PPP4R4: variants seen among roughly 807,000 people sequenced by gnomAD.
PPP4R4 encodes serine/threonine-protein phosphatase 4 regulatory subunit 4.
A neutral mutation model predicts 121.8 loss-of-function variants in PPP4R4; 70 were observed. The observed-to-expected ratio is 0.57, with a 90% confidence interval of 0.47 to 0.70. The LOEUF is 0.70. PPP4R4 is among the 30% of genes least tolerant of loss of function. PPP4R4 has a pLI of 0.00. For synonymous variants in PPP4R4, 348 were observed against 355.7 expected (o/e 0.98, Z 0.24); for missense variants, 875 against 1,033.6 (o/e 0.85, Z 2.10).
rs750701930 is a variant in PPP4R4 at position 94,265,468 on chromosome 14, C to T, written c.2279C>T (p.Ser760Leu). The T allele has an allele frequency of 1.4e-5, 23 of 1,604,588 alleles. No individual in the cohort carries two copies. Among genetic ancestry groups the T allele is most frequent in the African/African-American group, 5.4e-5 (4 of 74,660 alleles). Residue 760 changes from serine to leucine, a missense_variant, in exon 21 of 25, where the codon TCG becomes TTG. Transcript: ENST00000304338. ...CCTGGACCCTCTTCTGTCACCCCAT[C>T]GACAAGTAAGAAATAACTTCTTTTT... The part of the protein sequence containing the change: ...SVPGPSSVTP[S>L]TSKEIKKSKL...
At chr14:94,246,209 A>G (rs1892885461) in intron 13 of PPP4R4, 148 bp from the exon 14 acceptor site, 1 of 619,506 alleles carries the variant, frequency 1.6e-6, no homozygotes, top group East Asian at 3.0e-5. Flanking sequence ...ATTTAACCAG[A>G]TAATTATCTC....
At chr14:94,201,713 T>C (rs1890190824) in intron 2 of PPP4R4, among the ~76,000 whole-genome samples, 1 of 152,124 alleles carries the variant, frequency 6.6e-6, no homozygotes, top group Admixed American at 6.5e-5. Flanking sequence ...TGAGTCCTTA[T>C]GTGTGTTTGG....
At chr14:94,214,493 C>T (rs11848686) in intron 3 of PPP4R4, among the ~76,000 whole-genome samples, 4,654 of 149,054 alleles carry the variant, frequency 0.031, 197 homozygotes, top group African/African-American at 0.092. Flanking sequence ...ATAGCAAGAC[C>T]TTGCCTCTAA....
chr14:94,207,787 G>C (rs1299563850), intron 2 of PPP4R4, among the ~76,000 whole-genome samples: 6 of 151,576 alleles, frequency 4.0e-5, no homozygotes, highest in African/African-American at 1.2e-4. Flanking sequence ...GTTTTTTGCT[G>C]TTTGTGGAAA....
At chr14:94,237,839 T>C (rs1318430391) in intron 8 of PPP4R4, among the ~76,000 whole-genome samples, 153 bp downstream of exon 8, 1 of 152,260 alleles carries the variant, frequency 6.6e-6, no homozygotes, top group Non-Finnish European at 1.5e-5. Flanking sequence ...TCGTGTCTTC[T>C]TGGCTTTCAC....
intron 3 of PPP4R4, among the ~76,000 whole-genome samples, chr14:94,216,893 G>A (rs180916667): frequency 6.6e-6 from 1 of 152,222 alleles, no homozygotes; most frequent in Admixed American, 6.5e-5. Context: ...ACTAGGGGCT[G>A]GGTGTGGAAG....
chr14:94,194,608 C>T (rs942473849), intron 2 of PPP4R4, among the ~76,000 whole-genome samples: 1 of 152,040 alleles, frequency 6.6e-6, no homozygotes, highest in Non-Finnish European at 1.5e-5. Context: ...TCCACACATA[C>T]TTGTTTTTTT....
chr14:94,232,338 T>G (rs1892082458), intron 5 of PPP4R4, among the ~76,000 whole-genome samples: 1 of 152,216 alleles, frequency 6.6e-6, no homozygotes, highest in African/African-American at 2.4e-5. Context: ...TGTCCTTTCT[T>G]TGTCTTCATA....
At chr14:94,245,720 C>T (rs746106944) in intron 13 of PPP4R4, 50 bp downstream of exon 13, 4 of 1,343,658 alleles carry the variant, frequency 3.0e-6, no homozygotes, top group Non-Finnish European at 4.2e-6. Context: ...TATTATCCTA[C>T]TCTACAGGGT....
chr14:94,227,300 A>C (rs1294103783), intron 3 of PPP4R4: 1 of 1,611,596 alleles, frequency 6.2e-7, no homozygotes, highest in Non-Finnish European at 8.5e-7. Flanking sequence ...ATGAGGATGC[A>C]CACTTATTTA....
intron 16 of PPP4R4, among the ~76,000 whole-genome samples, chr14:94,256,135 C>T (rs1236372585): frequency 2.0e-5 from 3 of 152,176 alleles, no homozygotes; most frequent in African/African-American, 4.8e-5. Flanking sequence ...AATCCCCTGC[C>T]CCTGGTACTC....
chr14:94,272,798 CAGT>C (rs1215588443), intron 23 of PPP4R4, among the ~76,000 whole-genome samples: 1 of 152,104 alleles, frequency 6.6e-6, no homozygotes, highest in Non-Finnish European at 1.5e-5. Flanking sequence ...TAAAACTTAA[CAGT>C]AGGAAAACTA....
intron 23 of PPP4R4, among the ~76,000 whole-genome samples, chr14:94,272,211 T>C (rs1413684434): frequency 1.1e-4 from 17 of 152,094 alleles, no homozygotes; most frequent in Admixed American, 1.1e-3. Context: ...AACATGATAA[T>C]GAAGAAGAAC....
In PPP4R4 at chr14:94,206,023, G is replaced by C. The variant is rs188978321; in HGVS notation, c.192-2441G>C. On this transcript the variant is annotated intron_variant, in intron 2 of 24. Coordinates refer to ENST00000304338, the MANE Select transcript of PPP4R4 (RefSeq NM_058237.2). ...TCTTGAGTTCTTCTATATCTTTGCT[G>C]ATTCCCTGTGTAGTTCTGTCAGTTG... Among the ~76,000 whole-genome samples the C allele has an allele frequency of 1.8e-3, 279 of 152,080 alleles. 4 individuals are homozygous for C. The highest frequency in any genetic ancestry group is 1.7e-3 in the Non-Finnish European group (117 of 67,894).
At position 94,262,978 on chromosome 14, in the gene PPP4R4, T is replaced by C. The variant is rs1452764274; in HGVS notation, c.2128-1900T>C. 2.0e-5 allele frequency among the ~76,000 whole-genome samples: 3 copies of C among 152,246 alleles called. No individual in the cohort carries two copies. The East Asian group carries it at 5.8e-4, about 29-fold the overall frequency. ...CCACCATAACATCTGATAAAATAGC[T>C]ACTCTCATTGAATTGTTGATGCTTC... On this transcript the variant is annotated intron_variant, in intron 19 of 24. Transcript: ENST00000304338.
chr14:94,216,156 A>G (rs1284579939), intron 3 of PPP4R4, among the ~76,000 whole-genome samples: 3 of 152,246 alleles, frequency 2.0e-5, no homozygotes, highest in Non-Finnish European at 4.4e-5. Flanking sequence ...TCAAAAACAA[A>G]GCAATCCGTT....
intron 22 of PPP4R4, 34 bp downstream of exon 22, chr14:94,265,921 A>AT (rs762267597): frequency 7.5e-7 from 1 of 1,341,056 alleles, no homozygotes. Context: ...TTTTAACATA[A>AT]TTTTTATCTT....
intron 11 of PPP4R4, among the ~76,000 whole-genome samples, chr14:94,242,690 C>T (rs991150981): frequency 2.4e-4 from 36 of 152,046 alleles, no homozygotes; most frequent in African/African-American, 8.7e-4. Context: ...ATGGGTGATG[C>T]GGATTTTAAA....
At chr14:94,183,030 T>C (rs1889073759) in intron 2 of PPP4R4, among the ~76,000 whole-genome samples, 2 of 151,922 alleles carry the variant, frequency 1.3e-5, no homozygotes, top group Non-Finnish European at 1.5e-5. Flanking sequence ...ACTTACACCA[T>C]CTAACTTTTT....
Sources: allele counts gnomAD v4.1 joint callset (sites outside exome capture counted in the v4.1 genomes callset), GRCh38; gene constraint gnomAD v4.1.1; transcripts MANE v1.5; gene names NCBI Gene and HGNC (gene_info 2026-07-23, HGNC 2026-07-21).